The following KCNQ2 variants were observed in gnomAD, a reference collection of about 807,000 sequenced individuals.
The protein encoded by KCNQ2 is potassium voltage-gated channel subfamily KQT member 2.
A neutral mutation model predicts 84.8 loss-of-function variants in KCNQ2; 14 were observed. The observed-to-expected ratio is 0.17, with a 90% CI of 0.11 to 0.26. The LOEUF (loss-of-function observed/expected upper bound fraction) is 0.26. Ranked by LOEUF, KCNQ2 falls within the 10% of genes least tolerant of loss-of-function variation. KCNQ2 has a pLI of 1.00. For synonymous variants in KCNQ2, 599 were observed against 554.1 expected (o/e 1.08, Z -1.14); for missense variants, 788 against 1,254.0 (o/e 0.63, Z 5.61).
At chr20:63,409,708 A>T (rs1322292710) in intron 15 of KCNQ2, among the ~76,000 whole-genome samples, 1 of 152,080 alleles carries the variant, frequency 6.6e-6, no homozygotes, top group Admixed American at 6.5e-5. Flanking sequence ...CCAAGTCCTC[A>T]CTTCCTGCCA....
In KCNQ2 at chr20:63,425,402, CTG is replaced by C. The variant is rs2080596709; in HGVS notation, c.1218-1198_1218-1197del. On this transcript the variant is annotated intron_variant, in intron 10 of 16. Transcript: ENST00000359125. The surrounding 1 kb of genome is among the most constrained non-coding windows in gnomAD (Gnocchi z 5.5). ...AAATCTCCACCCTCTGCAGCATGGA[CTG>C]TGTGTCCAAAACCTCATCGAAATCC... Among the ~76,000 whole-genome samples the C allele has an allele frequency of 3.3e-5, 5 of 152,272 alleles. No individual in the cohort carries two copies. The highest frequency in any genetic ancestry group is 2.6e-4 in the Admixed American group (4 of 15,294).
rs1600786349 is a variant in KCNQ2 at position 63,444,796 on chromosome 20, C to T, written c.553G>A (p.Ala185Thr). 1 of 1,607,428 alleles carries T rather than the reference C, an allele frequency of 6.2e-7. No individual in the cohort carries two copies. The highest frequency in any genetic ancestry group is 8.5e-7 in the Non-Finnish European group (1 of 1,177,424). ...VLIASIAVLAAGSQGNVFATS... is the reference protein window; with the variant it reads ...VLIASIAVLATGSQGNVFATS... ...GCAAAGACGTTGCCCTGGGAGCCGG[C>T]GGCCAGCACCGCAATGGAGGCGATG... is the stretch of plus-strand genomic sequence containing the variant. The change falls in exon 4 of 17, where the codon GCC (alanine) becomes ACC (threonine). Residue 185 changes from alanine to threonine, a missense_variant. Transcript: ENST00000359125.
At chr20:63,466,130 G>A (rs1314297073) in intron 1 of KCNQ2, among the ~76,000 whole-genome samples, 7 of 152,128 alleles carry the variant, frequency 4.6e-5, no homozygotes, top group Admixed American at 1.3e-4. Flanking sequence ...CGGAAGCCAC[G>A]AACAGGAAGA....
chr20:63,440,175 T>C (rs1568928735), intron 5 of KCNQ2, among the ~76,000 whole-genome samples: 1 of 148,696 alleles, frequency 6.7e-6, no homozygotes, highest in Non-Finnish European at 1.5e-5. Context: ...GGCGGGGGAG[T>C]GGTCTCCACC....
chr20:63,424,491 C>T (rs542841460), intron 10 of KCNQ2: 2 of 527,270 alleles, frequency 3.8e-6, no homozygotes, highest in East Asian at 3.0e-5. Context: ...TCCACATTTA[C>T]AGACACTCAT....
rs1031079710 is a variant in KCNQ2 at position 63,472,550 on chromosome 20, C to T, written c.-87G>A. On this transcript the variant is annotated 5_prime_UTR_variant, in exon 1 of 17. Transcript: ENST00000359125. ...CGGCGCGGGCCCCAGCCCAGGCCCC[C>T]CGGCCGGGAGCCGCATGGCCGAGGC... 9.4e-6 allele frequency: 11 copies of T among 1,173,668 alleles called. No individual in the cohort carries two copies. In the African/African-American group the frequency reaches 1.6e-4, roughly 17 times the overall value. The allele number at this position is 1,173,668 out of a possible 1,614,324, so 72.7% of individuals were successfully genotyped here. A position where few individuals can be genotyped will look rare whatever the true frequency, so the allele number is the denominator to read the frequency against.
intron 2 of KCNQ2, chr20:63,445,633 T>TCCGGG: frequency 2.3e-6 from 1 of 442,298 alleles, no homozygotes; most frequent in South Asian, 2.4e-5. Flanking sequence ...GGGGACTCTA[T>TCCGGG]CTGGGCTAGG....
intron 7 of KCNQ2, among the ~76,000 whole-genome samples, chr20:63,436,992 T>G (rs2081029439): frequency 6.6e-6 from 1 of 152,176 alleles, no homozygotes; most frequent in African/African-American, 2.4e-5. Flanking sequence ...TTGGCTAAGC[T>G]GGTCTCGAAC....
In KCNQ2 at chr20:63,424,162, G is replaced by A. The variant is rs1311052247; in HGVS notation, c.1247+15C>T. On this transcript the variant is annotated intron_variant, in intron 11 of 16. Transcript: ENST00000359125. ...GCACACGGCAGACACCAGGGTAGCA[G>A]CAGGGGGCACTGACCTTGGAGACGG... 4 of 1,555,170 alleles carry A rather than the reference G, an allele frequency of 2.6e-6. No individual in the cohort carries two copies. The highest frequency in any genetic ancestry group is 2.4e-5 in the East Asian group (1 of 41,756).
At chr20:63,424,137 GCA>G in intron 11 of KCNQ2, 38 bp downstream of exon 11, 1 of 1,551,922 alleles carries the variant, frequency 6.4e-7, no homozygotes. Context: ...AGACGGCCGT[GCA>G]CACGGCAGAC....
chr20:63,424,387 G>A (rs1437328318), intron 10 of KCNQ2, 181 bp from the exon 11 acceptor site: 18 of 653,910 alleles, frequency 2.8e-5, no homozygotes, highest in East Asian at 2.5e-4. Context: ...CCCCAGGAAC[G>A]GGCACCCCAG....
rs1185859533 is a variant in KCNQ2, at chr20:63,433,838, G to A, written c.1089C>T (p.Tyr363=). 1.9e-6 allele frequency: 3 copies of A among 1,613,840 alleles called. No individual in the cohort carries two copies. Among genetic ancestry groups the A allele is most frequent in the South Asian group, 1.1e-5 (1 of 91,080 alleles). The part of the protein sequence containing the change: ...RTDLHSTWQY[Y]ERTVTVPMYS... ...ACATGGGCACGGTGACCGTTCGCTC[G>A]TAGTACTGCCACGTGGAGTGCAGGT... Residue 363 remains tyrosine, a synonymous_variant, in exon 8 of 17, where the codon TAC becomes TAT. Coordinates refer to ENST00000359125, the MANE Select transcript of KCNQ2 (RefSeq NM_172107.4).
chr20:63,416,837 C>T (rs893480745), intron 12 of KCNQ2, among the ~76,000 whole-genome samples: 7 of 152,154 alleles, frequency 4.6e-5, no homozygotes, highest in South Asian at 2.1e-4. Flanking sequence ...CCTGGACACG[C>T]GGATCGCTTG....
chr20:63,455,025 C>T (rs962494093), intron 1 of KCNQ2, among the ~76,000 whole-genome samples: 6 of 152,224 alleles, frequency 3.9e-5, no homozygotes, highest in Non-Finnish European at 7.3e-5. Context: ...AAGGGCTGCC[C>T]GCCCCCTCCT....
chr20:63,417,582 G>A (rs2080334251), intron 12 of KCNQ2, among the ~76,000 whole-genome samples: 1 of 152,256 alleles, frequency 6.6e-6, no homozygotes, highest in African/African-American at 2.4e-5. Context: ...GAAAGGCACA[G>A]CTTGAGGAAT....
At chr20:63,419,550 T>G in intron 12 of KCNQ2, 69 bp downstream of exon 12, 1 of 1,490,456 alleles carries the variant, frequency 6.7e-7, no homozygotes, top group Non-Finnish European at 9.2e-7. Flanking sequence ...CTCCAGAACC[T>G]CTAGTAAGCA....
rs1207915080 is a variant in KCNQ2 at position 63,472,557 on chromosome 20, G to A, written c.-94C>T. On this transcript the variant is annotated 5_prime_UTR_variant, in exon 1 of 17. Coordinates refer to ENST00000359125, the MANE Select transcript of KCNQ2 (RefSeq NM_172107.4). Reference sequence around the variant, plus strand: ...GGCCCCAGCCCAGGCCCCCCGGCCGGGAGCCGCATGGCCGAGGCGGCGGTT... The same window carrying A: ...GGCCCCAGCCCAGGCCCCCCGGCCGAGAGCCGCATGGCCGAGGCGGCGGTT... The A allele has an allele frequency of 5.4e-6, 6 of 1,108,914 alleles. No individual in the cohort carries two copies. The African/African-American group carries it at 1.0e-4, about 18-fold the overall frequency. The allele number at this position is 1,108,914 out of a possible 1,614,324, so 68.7% of individuals were successfully genotyped here. A position where few individuals can be genotyped will look rare whatever the true frequency, so the allele number is the denominator to read the frequency against.
intron 11 of KCNQ2, among the ~76,000 whole-genome samples, chr20:63,421,802 C>T (rs564976847): frequency 1.8e-4 from 27 of 152,138 alleles, no homozygotes; most frequent in Non-Finnish European, 2.5e-4. Flanking sequence ...AAGTCAGAAC[C>T]GCCGTGGCCA....
rs1241715976 is a variant in KCNQ2, at chr20:63,400,546, A to G, written c.*6098T>C. The stretch of plus-strand genomic sequence containing the variant: ...CCTGGTCACTACGGCACAAGGACAC[A>G]TACAAAATGGTCAGAAGTGTACGTC... On this transcript the variant is annotated 3_prime_UTR_variant, in exon 17 of 17. Coordinates refer to ENST00000359125, the MANE Select transcript of KCNQ2 (RefSeq NM_172107.4). This position sits in a 1 kb window ranked among gnomAD's most constrained non-coding sequence, Gnocchi z 8.7. 4 of 398,244 alleles carry G rather than the reference A, an allele frequency of 1.0e-5. No individual in the cohort carries two copies. The highest frequency in any genetic ancestry group is 4.4e-5 in the Admixed American group (1 of 22,716). The allele number at this position is 398,244 out of a possible 1,614,324, so 24.7% of individuals were successfully genotyped here.
Sources: gnomAD v4.1 joint callset for allele counts (sites outside exome capture counted in the v4.1 genomes callset) on GRCh38, gnomAD v4.1.1 for gene constraint, Gnocchi (gnomAD v3.1) non-coding constraint, MANE v1.5 for transcripts, NCBI Gene and HGNC (gene_info 2026-07-23, HGNC 2026-07-21) for gene names.